The following RAD54L2 variants were observed in gnomAD, a reference collection of about 807,000 sequenced individuals.
RAD54L2 encodes the protein RAD54 like 2.
RAD54L2 carries 27 observed loss-of-function variants against 138.4 expected under a neutral mutation model. That is an observed-to-expected ratio of 0.20 (90% CI 0.14 to 0.27). The LOEUF is 0.27. RAD54L2 is among the 10% of genes least tolerant of loss of function. The probability of loss-of-function intolerance (pLI) is 1.00; values close to 1 mark genes in which losing one functional copy is unlikely to be tolerated. For synonymous variants in RAD54L2, 644 were observed against 723.2 expected (o/e 0.89, Z 1.76); for missense variants, 1,396 against 1,890.2 (o/e 0.74, Z 4.85).
chr3:51,638,019 C>CATTAT lies in RAD54L2; in HGVS notation c.1683-125_1683-124insATTAT, dbSNP rs1177041991. On this transcript the variant is annotated intron_variant, in intron 11 of 22. Coordinates refer to ENST00000684192, the MANE Select transcript of RAD54L2 (RefSeq NM_015106.4). The surrounding 1 kb of genome is among the most constrained non-coding windows in gnomAD (Gnocchi z 4.3). ...TGAACCACTCTGCATTATTGCAAGG[C>CATTAT]TGCAGTGCATGTTGAGATCCTCAAG... 2.3e-6 allele frequency: 2 copies of CATTAT among 852,422 alleles called. No individual in the cohort carries two copies. The highest frequency in any genetic ancestry group is 3.6e-6 in the Non-Finnish European group (2 of 548,886). 52.8% of individuals were successfully genotyped at this position (852,422 alleles called of 1,614,324 possible).
At chr3:51,556,388 G>C (rs1490296764) in intron 2 of RAD54L2, among the ~76,000 whole-genome samples, 2 of 151,980 alleles carry the variant, frequency 1.3e-5, no homozygotes, top group Non-Finnish European at 2.9e-5. Context: ...ATCCTCTTAG[G>C]CGGGTGCCAC....
At chr3:51,573,449 A>T (rs574044022) in intron 2 of RAD54L2, among the ~76,000 whole-genome samples, 1 of 146,874 alleles carries the variant, frequency 6.8e-6, no homozygotes, top group African/African-American at 2.5e-5. Context: ...AAATCTATCT[A>T]TTTTTTTTTT....
At chr3:51,586,362 C>G (rs1474512570) in intron 2 of RAD54L2, among the ~76,000 whole-genome samples, 1 of 151,934 alleles carries the variant, frequency 6.6e-6, no homozygotes, top group African/African-American at 2.4e-5. Context: ...AAGCAATTCC[C>G]CCACCATGGC....
intron 2 of RAD54L2, among the ~76,000 whole-genome samples, chr3:51,557,562 A>C (rs190650609): frequency 6.6e-6 from 1 of 151,994 alleles, no homozygotes; most frequent in Admixed American, 6.6e-5. Context: ...TGTTCTTATT[A>C]ATTACACGCC....
chr3:51,555,867 T>C (rs1698950597), intron 2 of RAD54L2, among the ~76,000 whole-genome samples: 1 of 152,236 alleles, frequency 6.6e-6, no homozygotes, highest in East Asian at 1.9e-4. Flanking sequence ...CAAGCTGAAA[T>C]TAAAGTCAAA....
intron 2 of RAD54L2, among the ~76,000 whole-genome samples, chr3:51,547,574 C>CTTTT (rs1224015910): frequency 7.5e-6 from 1 of 134,084 alleles, no homozygotes; most frequent in East Asian, 2.1e-4. Context: ...TTATAAAACA[C>CTTTT]TTTTTTTTTT....
chr3:51,544,459 C>T (rs372804911), intron 2 of RAD54L2, among the ~76,000 whole-genome samples: 1 of 152,150 alleles, frequency 6.6e-6, no homozygotes, highest in South Asian at 2.1e-4. Flanking sequence ...GACAGTTCTT[C>T]ATTGGTATTG....
chr3:51,622,503 T>C (rs956309594), intron 3 of RAD54L2, among the ~76,000 whole-genome samples: 2 of 152,162 alleles, frequency 1.3e-5, no homozygotes, highest in African/African-American at 4.8e-5. Context: ...TCTCCTTTGC[T>C]TTTTGAAAAG....
intron 3 of RAD54L2, among the ~76,000 whole-genome samples, chr3:51,626,633 C>T (rs565860710): frequency 1.7e-4 from 26 of 151,258 alleles, no homozygotes; most frequent in African/African-American, 5.6e-4. Context: ...TTAGTAGAGA[C>T]TGGGTTTTGC....
At chr3:51,601,317 T>TTTTTTTTTGTTTTG (rs1553682535) in intron 3 of RAD54L2, among the ~76,000 whole-genome samples, 2 of 150,524 alleles carry the variant, frequency 1.3e-5, no homozygotes, top group African/African-American at 4.9e-5. Flanking sequence ...CGGCTTTTTT[T>TTTTTTTTTGTTTTG]TTTTTTTTGA....
At chr3:51,607,807 A>T (rs2106750172) in intron 3 of RAD54L2, among the ~76,000 whole-genome samples, 1 of 147,932 alleles carries the variant, frequency 6.8e-6, no homozygotes, top group African/African-American at 2.5e-5. Context: ...GGCCGGGCAG[A>T]GGGGCTCCTC....
chr3:51,575,566 C>A (rs1699460755), intron 2 of RAD54L2, among the ~76,000 whole-genome samples: 1 of 152,124 alleles, frequency 6.6e-6, no homozygotes, highest in African/African-American at 2.4e-5. Flanking sequence ...TCCTTCACAT[C>A]CCTTGTAAGT....
At chr3:51,555,413 G>A (rs1232251781) in intron 2 of RAD54L2, among the ~76,000 whole-genome samples, 1 of 151,546 alleles carries the variant, frequency 6.6e-6, no homozygotes, top group East Asian at 1.9e-4. Flanking sequence ...AGGAGTTGGA[G>A]ACCAGCATGG....
intron 2 of RAD54L2, among the ~76,000 whole-genome samples, chr3:51,554,378 A>T (rs1423934055): frequency 6.6e-6 from 1 of 151,576 alleles, no homozygotes; most frequent in Non-Finnish European, 1.5e-5. Context: ...AAAAAAAAAA[A>T]AATTAGCTGG....
chr3:51,618,288 G>A (rs755353639), intron 3 of RAD54L2, among the ~76,000 whole-genome samples: 1 of 152,022 alleles, frequency 6.6e-6, no homozygotes, highest in Non-Finnish European at 1.5e-5. Context: ...TGGCCAGATT[G>A]TGACTTGATT....
At position 51,634,081 on chromosome 3, in the gene RAD54L2, C is replaced by T. The variant is rs758277201; in HGVS notation, c.1142+46C>T. On this transcript the variant is annotated intron_variant, in intron 9 of 22. Transcript: ENST00000684192. ...TCTCTGCCCCTTTCCTTTTAGACTT[C>T]TGTCCGTGATCTGATGTTAAGGCAG... is the stretch of plus-strand genomic sequence containing the variant. 4.4e-6 allele frequency: 7 copies of T among 1,592,708 alleles called. No homozygotes were observed. In the South Asian group the frequency reaches 4.5e-5, roughly 10 times the overall value.
chr3:51,581,835 C>T (rs1199957641), intron 2 of RAD54L2, among the ~76,000 whole-genome samples: 1 of 152,106 alleles, frequency 6.6e-6, no homozygotes, highest in Non-Finnish European at 1.5e-5. Context: ...GTTCTGAACT[C>T]AGGGCTGACT....
intron 2 of RAD54L2, among the ~76,000 whole-genome samples, chr3:51,569,780 C>T (rs1241269994): frequency 6.6e-6 from 1 of 152,144 alleles, no homozygotes; most frequent in African/African-American, 2.4e-5. Flanking sequence ...GTGCCTGGCA[C>T]AGTGTCTTTT....
At chr3:51,581,244 C>T (rs113586770) in intron 2 of RAD54L2, among the ~76,000 whole-genome samples, 3,068 of 152,194 alleles carry the variant, frequency 0.02, 107 homozygotes, top group African/African-American at 0.07. Context: ...ACTACAGGCA[C>T]GCACCACCAC....
Sources: allele counts gnomAD v4.1 joint callset (sites outside exome capture counted in the v4.1 genomes callset), GRCh38; gene constraint gnomAD v4.1.1; non-coding constraint Gnocchi (gnomAD v3.1); transcripts MANE v1.5; gene names NCBI Gene and HGNC (gene_info 2026-07-23, HGNC 2026-07-21).